The following SMUG1 variants were observed in gnomAD, a reference collection of about 807,000 sequenced individuals.
SMUG1 encodes the protein single-strand-selective monofunctional uracil-DNA glycosylase 1.
A neutral mutation model predicts 23.9 loss-of-function variants in SMUG1; 13 were observed. The observed-to-expected ratio is 0.54, with a 90% confidence interval of 0.35 to 0.86. The LOEUF (loss-of-function observed/expected upper bound fraction) is 0.86. Ranked by LOEUF, SMUG1 falls within the 40% of genes least tolerant of loss-of-function variation. SMUG1 has a pLI of 0.01. For synonymous variants in SMUG1, 133 were observed against 139.8 expected (o/e 0.95, Z 0.34); for missense variants, 313 against 339.5 (o/e 0.92, Z 0.61).
intron 2 of SMUG1, among the ~76,000 whole-genome samples, chr12:54,185,253 C>G (rs1281757973): frequency 6.6e-6 from 1 of 151,088 alleles, no homozygotes; most frequent in East Asian, 1.9e-4. Flanking sequence ...TGCGGTGAGC[C>G]AAGATCGTGC....
intron 2 of SMUG1, chr12:54,172,343 C>T (rs1940642911): frequency 3.6e-6 from 1 of 274,082 alleles, no homozygotes; most frequent in Non-Finnish European, 7.7e-6. Context: ...AGGGCTTTTG[C>T]CCTCGCTGTT....
At chr12:54,166,037 C>T (rs1321423807) in intron 3 of SMUG1, among the ~76,000 whole-genome samples, 1 of 152,204 alleles carries the variant, frequency 6.6e-6, no homozygotes, top group South Asian at 2.1e-4. Flanking sequence ...GGACTCTGAG[C>T]TAAAAGAGCT....
rs752957942 is a variant in SMUG1, at chr12:54,182,494, C to T, written c.415G>A (p.Ala139Thr). The T allele has an allele frequency of 6.2e-7, 1 of 1,614,116 alleles. No homozygotes were observed. The highest frequency in any genetic ancestry group is 8.5e-7 in the Non-Finnish European group (1 of 1,180,022). The stretch of plus-strand genomic sequence containing the variant: ...TTCCGGAAAAAGCCCCAGAATCGGG[C>T]ACCACTCACTTCTGACTGTGGGCAC... ...LECPQSEVSG[A>T]RFWGFFRNLC... The change falls in exon 4 of 4, where the codon GCC becomes ACC. Residue 139 changes from alanine (A) to threonine (T), a missense_variant. Ala to Thr is a moderately conservative substitution (Grantham distance 58). Transcript: ENST00000682136.
chr12:54,185,485 A>AAAT (rs1942170501), intron 2 of SMUG1, among the ~76,000 whole-genome samples: 1 of 85,184 alleles, frequency 1.2e-5, no homozygotes, highest in African/African-American at 3.9e-5. Flanking sequence ...AATAAAATAA[A>AAAT]AAATAAATAA....
chr12:54,175,282 C>T (rs1372253243), intron 2 of SMUG1: 3 of 152,274 alleles, frequency 2.0e-5, no homozygotes, highest in Non-Finnish European at 4.4e-5. Context: ...GATCTGCTAC[C>T]TGGACATTGC....
chr12:54,161,153 C>T (rs993093371), downstream of SMUG1, among the ~76,000 whole-genome samples: 1 of 152,068 alleles, frequency 6.6e-6, no homozygotes, highest in African/African-American at 2.4e-5. This position sits in a 1 kb window ranked among gnomAD's most constrained non-coding sequence, Gnocchi z 4.2. Flanking sequence ...CTCCTTTCTT[C>T]GCTTCTCCCT....
rs376552864 is a variant in SMUG1, at chr12:54,171,493, T to C, written c.*52+532A>G. 7.1e-4 allele frequency among the ~76,000 whole-genome samples: 107 copies of C among 151,028 alleles called. 1 individual carries two copies. Among genetic ancestry groups the C allele is most frequent in the South Asian group, 2.5e-3 (12 of 4,730 alleles). On this transcript the variant is annotated intron_variant and NMD_transcript_variant, in intron 3 of 4. Coordinates refer to the SMUG1 transcript ENST00000509864. ...GATCACGAGGTCAGGAAAATGAGAC[T>C]ATCCTGGCCAACATGGTGAAACCCC...
chr12:54,161,560 C>T (rs1483196633), downstream of SMUG1, among the ~76,000 whole-genome samples: 1 of 152,254 alleles, frequency 6.6e-6, no homozygotes. This position sits in a 1 kb window ranked among gnomAD's most constrained non-coding sequence, Gnocchi z 4.2. Context: ...CCCATCTCCC[C>T]AGCCTCTGCT....
chr12:54,182,490 C>A lies in SMUG1; in HGVS notation c.419G>T (p.Arg140Leu). Reference sequence around the variant, plus strand: ...GAGGTTCCGGAAAAAGCCCCAGAATCGGGCACCACTCACTTCTGACTGTGG... The same window carrying A: ...GAGGTTCCGGAAAAAGCCCCAGAATAGGGCACCACTCACTTCTGACTGTGG... ...ECPQSEVSGA[R>L]FWGFFRNLCG... Residue 140 changes from arginine (R) to leucine (L), a missense_variant, in exon 4 of 4, where the codon CGA (arginine) becomes CTA (leucine). Physicochemically the swap from Arg to Leu is moderately radical, Grantham distance 102. Transcript: ENST00000682136. 1 of 1,614,148 alleles carries A rather than the reference C, an allele frequency of 6.2e-7. No homozygotes were observed. Among genetic ancestry groups the A allele is most frequent in the Non-Finnish European group, 8.5e-7 (1 of 1,180,030 alleles).
At chr12:54,188,295 AAATAATAATAATAATAATAATAATAAT>A (rs757369651) in intron 1 of SMUG1, among the ~76,000 whole-genome samples, 2 of 68,894 alleles carry the variant, frequency 2.9e-5, no homozygotes, top group South Asian at 4.4e-4. Context: ...TAATAATAAT[AAATAATAATAATAATAATAATAATAAT>A]AATAATAATA....
Position 54,181,221 on chromosome 12 carries a change from G to A in SMUG1, c.*875C>T. On this transcript the variant is annotated 3_prime_UTR_variant, in exon 4 of 4. Transcript: ENST00000682136. ...TAGTCATTGATCCATCTCTGACATG[G>A]CAAGAATTTTCCCTTCACCCTGGCC... 3.5e-6 allele frequency: 1 copy of A among 285,264 alleles called. No homozygotes were observed. Among genetic ancestry groups the A allele is most frequent in the Non-Finnish European group, 6.6e-6 (1 of 151,504 alleles). The allele number at this position is 285,264 out of a possible 1,614,324, so 17.7% of individuals were successfully genotyped here.
At chr12:54,184,247 A>G in intron 2 of SMUG1, 1 of 293,008 alleles carries the variant, frequency 3.4e-6, no homozygotes, top group Non-Finnish European at 6.3e-6. Context: ...CATCAGGCAT[A>G]GGTCACTAGT....
intron 2 of SMUG1, chr12:54,187,388 G>A (rs1249760473): frequency 6.6e-6 from 1 of 152,248 alleles, no homozygotes; most frequent in Non-Finnish European, 1.5e-5. Context: ...CTGTTGTCCA[G>A]GTGGCTACCC....
downstream of SMUG1, among the ~76,000 whole-genome samples, chr12:54,175,569 C>T (rs553849386): frequency 3.3e-5 from 5 of 152,304 alleles, no homozygotes; most frequent in South Asian, 6.2e-4. Flanking sequence ...TCCCAGTCTC[C>T]GCCCTCTCTC....
chr12:54,188,267 A>AAATAATAATAAT (rs869140620), intron 1 of SMUG1, among the ~76,000 whole-genome samples: 89 of 111,542 alleles, frequency 8.0e-4, no homozygotes, highest in African/African-American at 2.4e-3. Context: ...TCCTTAAACG[A>AAATAATAATAAT]AATAATAATA....
In SMUG1 at chr12:54,181,684, A is replaced by T. The variant is rs3136393; in HGVS notation, c.*412T>A. On this transcript the variant is annotated 3_prime_UTR_variant, in exon 4 of 4. Transcript: ENST00000682136. ...GGGGTCAGCTAAAGGTAACTGTTCT[A>T]TAAGGATGGGTAGGTATCCTGGCAA... is the stretch of plus-strand genomic sequence containing the variant. 1 of 1,578,602 alleles carries T rather than the reference A, an allele frequency of 6.3e-7. No individual in the cohort carries two copies. Among genetic ancestry groups the T allele is most frequent in the African/African-American group, 1.3e-5 (1 of 74,600 alleles).
chr12:54,188,301 T>TAATAATA (rs1565844787), intron 1 of SMUG1, among the ~76,000 whole-genome samples: 53 of 116,656 alleles, frequency 4.5e-4, no homozygotes, highest in East Asian at 1.7e-3. Context: ...TAATAAATAA[T>TAATAATA]AATAATAATA....
chr12:54,175,708 G>T (rs1940734268), downstream of SMUG1, among the ~76,000 whole-genome samples: 1 of 152,134 alleles, frequency 6.6e-6, no homozygotes, highest in Non-Finnish European at 1.5e-5. Context: ...TTATATGCCT[G>T]TATCTCCCAG....
chr12:54,171,839 C>T (rs1940628113), intron 3 of SMUG1, among the ~76,000 whole-genome samples: 1 of 152,144 alleles, frequency 6.6e-6, no homozygotes, highest in Non-Finnish European at 1.5e-5. Flanking sequence ...TTCCCCATAT[C>T]AGTTGATGGC....
Sources: allele counts gnomAD v4.1 joint callset (sites outside exome capture counted in the v4.1 genomes callset), GRCh38; gene constraint gnomAD v4.1.1; non-coding constraint Gnocchi (gnomAD v3.1); transcripts MANE v1.5; gene names NCBI Gene and HGNC (gene_info 2026-07-23, HGNC 2026-07-21).